The following XIRP2 variants were observed in gnomAD, a reference collection of about 807,000 sequenced individuals.
XIRP2 encodes the protein xin actin-binding repeat-containing protein 2.
In XIRP2, 236 loss-of-function variants were observed where a neutral mutation model predicts 277.0. The observed-to-expected ratio is 0.85, with a 90% CI of 0.77 to 0.95. The LOEUF (loss-of-function observed/expected upper bound fraction) is 0.95, where lower values mean the gene tolerates loss of function less well. XIRP2 is among the 40% of genes least tolerant of loss of function. XIRP2 has a pLI of 0.00. For missense variants in XIRP2, 4,640 were observed against 4,157.5 expected (o/e 1.12, Z -3.19); for synonymous variants, 1,490 against 1,416.5 (o/e 1.05, Z -1.17).
At chr2:167,228,629 G>A (rs1389539708) in intron 5 of XIRP2, among the ~76,000 whole-genome samples, 1 of 152,116 alleles carries the variant, frequency 6.6e-6, no homozygotes, top group East Asian at 1.9e-4. Context: ...TGTAGAGGGT[G>A]CCCTGGCCGT....
chr2:166,894,925 G>A (rs1457710991), intron 1 of XIRP2, among the ~76,000 whole-genome samples: 1 of 152,158 alleles, frequency 6.6e-6, no homozygotes, highest in Non-Finnish European at 1.5e-5. Context: ...GCTTCCCTGA[G>A]GCAGTCATGC....
intron 2 of XIRP2, among the ~76,000 whole-genome samples, chr2:167,126,189 TCTCTCTCTCA>T (rs1040227602): frequency 2.2e-4 from 29 of 133,768 alleles, no homozygotes; most frequent in African/African-American, 1.0e-3. Flanking sequence ...TCTCTCTCTC[TCTCTCTCTCA>T]CACTCTCACT....
At chr2:167,143,834 T>C (rs543269758) in intron 3 of XIRP2, among the ~76,000 whole-genome samples, 1 of 152,216 alleles carries the variant, frequency 6.6e-6, no homozygotes, top group Non-Finnish European at 1.5e-5. Flanking sequence ...TTTCTAGATA[T>C]TTCAGACATG....
chr2:167,030,736 C>T lies in XIRP2; in HGVS notation c.409-105173C>T, dbSNP rs990864719. On this transcript the variant is annotated intron_variant, in intron 2 of 10. Coordinates refer to ENST00000409195, the MANE Select transcript of XIRP2 (RefSeq NM_152381.6). ...AGATGTCTATTGGGTCCGCTTGGTGCGGAGCTGAGTTCAAGTCCTGAATAC... is the reference window on the plus strand; with the variant it reads ...AGATGTCTATTGGGTCCGCTTGGTGTGGAGCTGAGTTCAAGTCCTGAATAC... Among the ~76,000 whole-genome samples the T allele has an allele frequency of 6.6e-5, 10 of 152,098 alleles. No homozygotes were observed. In the South Asian group the frequency reaches 8.3e-4, roughly 13 times the overall value.
Position 166,973,652 on chromosome 2 carries a change from A to G in XIRP2, c.408+69762A>G, listed in dbSNP as rs1426266546. On this transcript the variant is annotated intron_variant, in intron 2 of 10. Coordinates refer to ENST00000409195, the MANE Select transcript of XIRP2 (RefSeq NM_152381.6). ...ATGTCAGCATCACATGGACACTTCAAAGCACTTCAGAATCTCAGTCCCCCA... is the reference window on the plus strand; with the variant it reads ...ATGTCAGCATCACATGGACACTTCAGAGCACTTCAGAATCTCAGTCCCCCA... Among the ~76,000 whole-genome samples, 11 of 152,262 alleles carry G rather than the reference A, an allele frequency of 7.2e-5. 1 individual carries two copies. In the South Asian group the frequency reaches 1.2e-3, roughly 17 times the overall value.
At chr2:166,900,385 T>A (rs973979278) in intron 1 of XIRP2, among the ~76,000 whole-genome samples, 5 of 152,072 alleles carry the variant, frequency 3.3e-5, no homozygotes, top group Non-Finnish European at 4.4e-5. Context: ...CACTTTTTTT[T>A]AAGCATGTTT....
At chr2:166,975,140 TTAAAA>T (rs1360692888) in intron 2 of XIRP2, among the ~76,000 whole-genome samples, 1 of 152,018 alleles carries the variant, frequency 6.6e-6, no homozygotes, top group African/African-American at 2.4e-5. Flanking sequence ...TAAAAGAACT[TTAAAA>T]TACATGAAGT....
rs573197995 is a variant in XIRP2 at position 167,158,002 on chromosome 2, T to G, written c.562+21940T>G. On this transcript the variant is annotated intron_variant, in intron 3 of 10. Transcript: ENST00000409195. ...AAGGCATTAAATATGAAGTTATTTA[T>G]CCACTTTAAAAGTGCTTTAAAACAG... 2.0e-5 allele frequency among the ~76,000 whole-genome samples: 3 copies of G among 152,294 alleles called. No individual in the cohort carries two copies. In the East Asian group the frequency reaches 5.8e-4, roughly 29 times the overall value.
At chr2:166,940,486 C>T (rs778782475) in intron 2 of XIRP2, among the ~76,000 whole-genome samples, 7 of 152,296 alleles carry the variant, frequency 4.6e-5, no homozygotes, top group African/African-American at 1.4e-4. Context: ...CTGTTGCTGG[C>T]GAGGAGCTGT....
chr2:167,202,748 C>A (rs534186914), intron 3 of XIRP2, among the ~76,000 whole-genome samples: 1 of 152,164 alleles, frequency 6.6e-6, no homozygotes, highest in Non-Finnish European at 1.5e-5. Flanking sequence ...AAGAAATTAC[C>A]AAAAAATGCA....
At chr2:167,090,683 A>G (rs1690114441) in intron 2 of XIRP2, among the ~76,000 whole-genome samples, 12 of 152,060 alleles carry the variant, frequency 7.9e-5, no homozygotes, top group Admixed American at 7.9e-4. Flanking sequence ...CATGGTGGAG[A>G]AGGTCAAAGG....
intron 2 of XIRP2, among the ~76,000 whole-genome samples, chr2:167,034,794 T>C (rs1688466735): frequency 6.6e-6 from 1 of 152,164 alleles, no homozygotes; most frequent in Non-Finnish European, 1.5e-5. Flanking sequence ...ATAGCAAATA[T>C]TATTTGTGGT....
chr2:166,925,639 A>G (rs1163387217), intron 2 of XIRP2, among the ~76,000 whole-genome samples: 1 of 147,036 alleles, frequency 6.8e-6, no homozygotes, highest in Admixed American at 6.9e-5. Flanking sequence ...ATATAAGTAT[A>G]TATATAAAAT....
At chr2:167,026,051 G>A (rs1339456152) in intron 2 of XIRP2, among the ~76,000 whole-genome samples, 1 of 152,120 alleles carries the variant, frequency 6.6e-6, no homozygotes, top group Admixed American at 6.5e-5. Flanking sequence ...TGTTGAGTGT[G>A]GGGTGTTAAA....
chr2:167,147,308 C>T (rs73017934), intron 3 of XIRP2, among the ~76,000 whole-genome samples: 15,139 of 152,114 alleles, frequency 0.1, 816 homozygotes, highest in South Asian at 0.15. Context: ...CCCTGTATCT[C>T]CAAAGAAAAG....
rs184305242 is a variant in XIRP2 at position 167,224,125 on chromosome 2, A to T, written c.858+5825A>T. Among the ~76,000 whole-genome samples, 122 of 152,112 alleles carry T rather than the reference A, an allele frequency of 8.0e-4. 1 individual carries two copies. The highest frequency in any genetic ancestry group is 1.5e-3 in the Non-Finnish European group (104 of 67,986). ...TGAAGGAGCAAGAACAAGAAGGGGG[A>T]ACTCACTCTCACTCCTATCATAATG... On this transcript the variant is annotated intron_variant, in intron 5 of 10. Coordinates refer to ENST00000409195, the MANE Select transcript of XIRP2 (RefSeq NM_152381.6).
intron 3 of XIRP2, chr2:167,184,677 G>T: frequency 2.8e-6 from 2 of 708,866 alleles, no homozygotes; most frequent in East Asian, 2.7e-5. Flanking sequence ...TACTGCTTCT[G>T]GGTCTCATTG....
At chr2:167,038,536 G>A (rs1688576691) in intron 2 of XIRP2, among the ~76,000 whole-genome samples, 2 of 150,826 alleles carry the variant, frequency 1.3e-5, no homozygotes, top group Admixed American at 1.3e-4. Flanking sequence ...AGAAAGCTTA[G>A]TTCTGGGATT....
intron 9 of XIRP2, among the ~76,000 whole-genome samples, 196 bp downstream of exon 9, chr2:167,252,143 A>AG (rs1695530854): frequency 6.6e-6 from 1 of 152,054 alleles, no homozygotes; most frequent in African/African-American, 2.4e-5. Context: ...AGCATAGAGT[A>AG]TGATTTACTT....
Sources: gnomAD v4.1 joint callset for allele counts (sites outside exome capture counted in the v4.1 genomes callset) on GRCh38, gnomAD v4.1.1 for gene constraint, MANE v1.5 for transcripts, NCBI Gene and HGNC (gene_info 2026-07-23, HGNC 2026-07-21) for gene names.